ALDOB: variants seen among roughly 807,000 people sequenced by gnomAD.
ALDOB encodes fructose-bisphosphate aldolase B.
Under a neutral mutation model 41.0 loss-of-function variants are expected in ALDOB, and 39 were observed. That is an observed-to-expected ratio of 0.95 (90% confidence interval 0.74 to 1.24). ALDOB has a LOEUF of 1.24. Among genes scored for constraint, ALDOB ranks in the 50% most tolerant of loss-of-function variants. The pLI, the probability that ALDOB is intolerant of heterozygous loss-of-function variation, is 0.00. For synonymous variants in ALDOB, 175 were observed against 168.8 expected (o/e 1.04, Z -0.28); for missense variants, 530 against 457.3 (o/e 1.16, Z -1.45).
rs775287663 is a variant in ALDOB, at chr9:101,434,030, G to A, written c.-11+1679C>T. On this transcript the variant is annotated intron_variant, in intron 1 of 8. Coordinates refer to ENST00000647789, the MANE Select transcript of ALDOB (RefSeq NM_000035.4). Reference sequence around the variant, plus strand: ...CACGCGATCCTCCCACCTTGGCCTCGCAAAGTGCTGGGATTACAGGCATGA... The same window carrying A: ...CACGCGATCCTCCCACCTTGGCCTCACAAAGTGCTGGGATTACAGGCATGA... Among the ~76,000 whole-genome samples, 5 of 151,854 alleles carry A rather than the reference G, an allele frequency of 3.3e-5. No homozygotes were observed. The South Asian group carries it at 8.3e-4, about 25-fold the overall frequency.
Position 101,426,565 on chromosome 9 carries a change from A to G in ALDOB, c.614T>C (p.Val205Ala). 6.2e-7 allele frequency: 1 copy of G among 1,609,658 alleles called. No homozygotes were observed. The highest frequency in any genetic ancestry group is 8.5e-7 in the Non-Finnish European group (1 of 1,175,984). The change falls in exon 6 of 9, where the codon GTT becomes GCT. Residue 205 changes from valine to alanine, a missense_variant. Coordinates refer to ENST00000647789, the MANE Select transcript of ALDOB (RefSeq NM_000035.4). ...GDHDLEHCQY[V>A]TEKVLAAVYK... is the part of the protein sequence containing the mutation. ...ATATTTAAAACTTACCTTCTCAGTA[A>G]CATACTGGCAGTGTTCCAGGTCATG...
At chr9:101,434,074 A>G (rs1227348304) in intron 1 of ALDOB, among the ~76,000 whole-genome samples, 2 of 152,126 alleles carry the variant, frequency 1.3e-5, no homozygotes, top group East Asian at 1.9e-4. Context: ...ACCCGGCCAC[A>G]TTTCATTTTA....
intron 1 of ALDOB, among the ~76,000 whole-genome samples, chr9:101,433,937 T>TA (rs1187403878): frequency 1.3e-5 from 2 of 151,798 alleles, no homozygotes; most frequent in Non-Finnish European, 2.9e-5. Flanking sequence ...CCCAGCTATT[T>TA]TTTTTTTTAT....
intron 4 of ALDOB, among the ~76,000 whole-genome samples, chr9:101,428,205 G>T (rs959194218): frequency 6.6e-6 from 1 of 152,168 alleles, no homozygotes. Flanking sequence ...ACTGTGGTAA[G>T]CACCTTATGT....
intron 8 of ALDOB, among the ~76,000 whole-genome samples, 199 bp downstream of exon 8, chr9:101,424,644 C>CT (rs1831096079): frequency 6.6e-6 from 1 of 152,162 alleles, no homozygotes; most frequent in South Asian, 2.1e-4. Flanking sequence ...CTGTCATCAA[C>CT]TATACTCTAG....
intron 7 of ALDOB, 113 bp from the exon 8 acceptor site, chr9:101,425,155 T>G: frequency 7.7e-7 from 1 of 1,300,982 alleles, no homozygotes; most frequent in Non-Finnish European, 1.1e-6. Context: ...CTCTGCTTAA[T>G]TTGCCTTAAA....
At chr9:101,423,348 G>T (rs774252195) in intron 8 of ALDOB, among the ~76,000 whole-genome samples, 1 of 152,054 alleles carries the variant, frequency 6.6e-6, no homozygotes, top group Non-Finnish European at 1.5e-5. Flanking sequence ...GCTATTTTGC[G>T]TTCTGAATCT....
intron 1 of ALDOB, among the ~76,000 whole-genome samples, chr9:101,431,190 C>T (rs1280658726): frequency 2.0e-5 from 3 of 152,156 alleles, no homozygotes; most frequent in African/African-American, 4.8e-5. Context: ...ATTAGTGACC[C>T]ACTAAAATAT....
rs528584815 is a variant in ALDOB, at chr9:101,425,170, A to C, written c.800-128T>G. The C allele has an allele frequency of 3.4e-5, 39 of 1,146,728 alleles. No homozygotes were observed. The South Asian group carries it at 5.0e-4, about 15-fold the overall frequency. The allele number at this position is 1,146,728 out of a possible 1,614,324, so 71.0% of individuals were successfully genotyped here. ...CTCTGCTTAATTTGCCTTAAAGCAA[A>C]CTGAGAAATCAGTTTGCTTTTGCTG... On this transcript the variant is annotated intron_variant, in intron 7 of 8. Coordinates refer to ENST00000647789, the MANE Select transcript of ALDOB (RefSeq NM_000035.4).
At chr9:101,429,700 T>A in intron 3 of ALDOB, 55 bp downstream of exon 3, 1 of 1,517,506 alleles carries the variant, frequency 6.6e-7, no homozygotes, top group Non-Finnish European at 9.2e-7. Context: ...CTTGCCAGTG[T>A]GCTTGGAGTT....
intron 8 of ALDOB, among the ~76,000 whole-genome samples, chr9:101,423,326 C>T (rs187288389): frequency 6.6e-6 from 1 of 152,162 alleles, no homozygotes; most frequent in African/African-American, 2.4e-5. Flanking sequence ...TAAACTTTCA[C>T]TCTTCTACCC....
chr9:101,426,001 G>C (rs1831124423), intron 6 of ALDOB, among the ~76,000 whole-genome samples: 1 of 152,116 alleles, frequency 6.6e-6, no homozygotes, highest in Non-Finnish European at 1.5e-5. Flanking sequence ...CACTGTCCAT[G>C]TTTACAGAAG....
chr9:101,428,495 C>T lies in ALDOB; in HGVS notation c.353G>A (p.Gly118Glu), dbSNP rs1427084145. ...KLDQGGAPLA[G>E]TNKETTIQGL... ...TTGAATGGTGGTTTCTTTGTTTGTTCCTGCAAGAGGAGCACCTCCTTGGTC... is the reference window on the plus strand; with the variant it reads ...TTGAATGGTGGTTTCTTTGTTTGTTTCTGCAAGAGGAGCACCTCCTTGGTC... The change falls in exon 4 of 9, where the codon GGA becomes GAA. Residue 118 changes from glycine to glutamate, a missense_variant. By Grantham distance (98) the Gly-to-Glu change is moderately conservative. Transcript: ENST00000647789. 1 of 1,614,032 alleles carries T rather than the reference C, an allele frequency of 6.2e-7. No individual in the cohort carries two copies. Among genetic ancestry groups the T allele is most frequent in the East Asian group, 2.2e-5 (1 of 44,876 alleles).
At chr9:101,428,386 T>G (rs948171958) in intron 4 of ALDOB, 83 bp downstream of exon 4, 2 of 1,309,240 alleles carry the variant, frequency 1.5e-6, no homozygotes, top group African/African-American at 2.9e-5. Context: ...TAGTTGTGTT[T>G]TGTTTTTCCT....
chr9:101,429,981 C>T lies in ALDOB; in HGVS notation c.113-15G>A. 6.2e-7 allele frequency: 1 copy of T among 1,611,980 alleles called. No individual in the cohort carries two copies. Among genetic ancestry groups the T allele is most frequent in the Non-Finnish European group, 8.5e-7 (1 of 1,178,282 alleles). On this transcript the variant is annotated splice_polypyrimidine_tract_variant and intron_variant, in intron 2 of 8. Coordinates refer to ENST00000647789, the MANE Select transcript of ALDOB (RefSeq NM_000035.4). Reference sequence around the variant, plus strand: ...CCCCATGGTACCTATGGTGGGAGGGCCAAGGGCAGCATAAGGAGCAAGCCA... The same window carrying T: ...CCCCATGGTACCTATGGTGGGAGGGTCAAGGGCAGCATAAGGAGCAAGCCA...
chr9:101,425,790 C>G (rs1831119621), intron 6 of ALDOB, among the ~76,000 whole-genome samples, 163 bp from the exon 7 acceptor site: 3 of 152,178 alleles, frequency 2.0e-5, no homozygotes, highest in African/African-American at 4.8e-5. Context: ...CAATGTGTTG[C>G]AATCCATAGC....
rs541709699 is a variant in ALDOB, at chr9:101,427,287, G to A, written c.540+195C>T. Among the ~76,000 whole-genome samples, 129 of 152,306 alleles carry A rather than the reference G, an allele frequency of 8.5e-4. 1 individual carries two copies. Among genetic ancestry groups the A allele is most frequent in the African/African-American group, 3.1e-3 (127 of 41,558 alleles). On this transcript the variant is annotated intron_variant, in intron 5 of 8. Transcript: ENST00000647789. ...CATTATCCTTTGAACTCATAGCTTA[G>A]TTGGACTCCTACTGGCTTGTGGGAC...
In ALDOB at chr9:101,432,915, C is replaced by A. The variant is rs1831241753; in HGVS notation, c.-10-2018G>T. 2.6e-5 allele frequency among the ~76,000 whole-genome samples: 4 copies of A among 152,312 alleles called. No homozygotes were observed. In the South Asian group the frequency reaches 8.3e-4, roughly 32 times the overall value. ...GATTACACCATGGACATTACTTATT[C>A]ATAAACATCTGACACATTTATGTAG... On this transcript the variant is annotated intron_variant, in intron 1 of 8. Transcript: ENST00000647789.
At chr9:101,430,547 T>G (rs1457123860) in intron 2 of ALDOB, among the ~76,000 whole-genome samples, 1 of 152,210 alleles carries the variant, frequency 6.6e-6, no homozygotes, top group African/African-American at 2.4e-5. Context: ...CAAGGCTGGA[T>G]TCAAATGACC....
Sources: allele counts gnomAD v4.1 joint callset (sites outside exome capture counted in the v4.1 genomes callset), GRCh38; gene constraint gnomAD v4.1.1; transcripts MANE v1.5; gene names NCBI Gene and HGNC (gene_info 2026-07-23, HGNC 2026-07-21).